The following PRICKLE1 variants were observed in gnomAD, a reference collection of about 807,000 sequenced individuals.
The protein encoded by PRICKLE1 is prickle-like protein 1.
A neutral mutation model predicts 70.2 loss-of-function variants in PRICKLE1; 14 were observed. The ratio of observed to expected loss-of-function variants is 0.20; its 90% CI spans 0.13 to 0.31. The LOEUF is 0.31. Among genes scored for constraint, PRICKLE1 ranks in the 10% least tolerant of loss-of-function variants. The pLI is 1.00. For missense variants in PRICKLE1, 821 were observed against 1,026.2 expected, an observed-to-expected ratio of 0.80 and a Z score of 2.73; for synonymous variants, 357 against 379.9, an observed-to-expected ratio of 0.94 and a Z score of 0.70.
intron 1 of PRICKLE1, chr12:42,524,894 G>A (rs1939775165): frequency 6.6e-6 from 1 of 152,184 alleles, no homozygotes; most frequent in Admixed American, 6.5e-5. Context: ...TGTATAGTTG[G>A]TCTTTGTCCA....
intron 1 of PRICKLE1, among the ~76,000 whole-genome samples, chr12:42,575,172 A>G (rs1409182526): frequency 6.6e-6 from 1 of 152,208 alleles, no homozygotes; most frequent in East Asian, 1.9e-4. Flanking sequence ...TTGTAACAAC[A>G]TAACAATGAA....
intron 1 of PRICKLE1, among the ~76,000 whole-genome samples, chr12:42,482,279 C>T (rs1938819063): frequency 6.6e-6 from 1 of 152,264 alleles, no homozygotes; most frequent in South Asian, 2.1e-4. Context: ...ACGACAAAGC[C>T]TGGTCCTCCG....
intron 1 of PRICKLE1, among the ~76,000 whole-genome samples, chr12:42,476,005 G>C (rs1243362134): frequency 1.3e-5 from 2 of 149,990 alleles, no homozygotes; most frequent in Non-Finnish European, 3.0e-5. Flanking sequence ...GAGGCTGAGG[G>C]AGGAGAATTG....
chr12:42,520,055 G>A (rs1181906766), intron 1 of PRICKLE1, among the ~76,000 whole-genome samples: 1 of 152,164 alleles, frequency 6.6e-6, no homozygotes, highest in African/African-American at 2.4e-5. Flanking sequence ...CCTTCCCTGA[G>A]ACCACTGCTT....
At chr12:42,503,115 T>C (rs1480124186) in intron 1 of PRICKLE1, among the ~76,000 whole-genome samples, 1 of 152,190 alleles carries the variant, frequency 6.6e-6, no homozygotes, top group Admixed American at 6.5e-5. Context: ...ATCTGAATAT[T>C]TTCACCTAGG....
intron 1 of PRICKLE1, among the ~76,000 whole-genome samples, chr12:42,572,840 A>T (rs1003999522): frequency 1.3e-5 from 2 of 152,124 alleles, no homozygotes; most frequent in Non-Finnish European, 2.9e-5. Context: ...AGGAAAAAAA[A>T]TTTTAATAAA....
intron 1 of PRICKLE1, among the ~76,000 whole-genome samples, chr12:42,532,356 A>G (rs1311278260): frequency 6.6e-6 from 1 of 152,224 alleles, no homozygotes; most frequent in African/African-American, 2.4e-5. Context: ...AGAACCGGTC[A>G]AATAATTTTA....
intron 1 of PRICKLE1, among the ~76,000 whole-genome samples, chr12:42,516,986 C>T (rs1939622741): frequency 6.6e-6 from 1 of 152,132 alleles, no homozygotes. Flanking sequence ...CTCAACTGTG[C>T]CTGTGTTTCA....
intron 3 of PRICKLE1, 149 bp from the exon 4 acceptor site, chr12:42,469,736 T>C: frequency 1.1e-6 from 1 of 911,756 alleles, no homozygotes; most frequent in Non-Finnish European, 1.7e-6. Context: ...ACACCATATC[T>C]GAATTTTACA....
chr12:42,501,157 C>A (rs1224577132), intron 1 of PRICKLE1, among the ~76,000 whole-genome samples: 1 of 152,072 alleles, frequency 6.6e-6, no homozygotes, highest in Admixed American at 6.6e-5. Context: ...TTGAAAGAAT[C>A]CAATGATATG....
chr12:42,556,450 G>T (rs572446639), intron 1 of PRICKLE1, among the ~76,000 whole-genome samples: 3 of 152,238 alleles, frequency 2.0e-5, no homozygotes, highest in East Asian at 3.9e-4. Context: ...CACCCTGTAA[G>T]GGAGGGATTA....
chr12:42,526,107 T>C (rs1939794386), intron 1 of PRICKLE1, among the ~76,000 whole-genome samples: 1 of 152,336 alleles, frequency 6.6e-6, no homozygotes, highest in South Asian at 2.1e-4. Context: ...AGTGGCTGTA[T>C]CTTAATGAAA....
At chr12:42,517,306 A>T (rs973835730) in intron 1 of PRICKLE1, among the ~76,000 whole-genome samples, 59 of 88,944 alleles carry the variant, frequency 6.6e-4, no homozygotes, top group African/African-American at 9.9e-4. Context: ...TCAGTCTGCC[A>T]TTTTTTTTTT....
chr12:42,484,486 C>T (rs1055073711), intron 1 of PRICKLE1: 6 of 152,196 alleles, frequency 3.9e-5, no homozygotes, highest in African/African-American at 1.4e-4. Context: ...CAAGTTCTCA[C>T]TTAGAAGGGC....
At chr12:42,508,166 G>C (rs575533596) in intron 1 of PRICKLE1, among the ~76,000 whole-genome samples, 5 of 151,882 alleles carry the variant, frequency 3.3e-5, no homozygotes, top group Admixed American at 6.6e-5. Flanking sequence ...TGAGAAGGAG[G>C]GGGGAACAGG....
chr12:42,512,483 G>T (rs1009553210), intron 1 of PRICKLE1, among the ~76,000 whole-genome samples: 7 of 152,120 alleles, frequency 4.6e-5, no homozygotes, highest in Admixed American at 3.9e-4. Flanking sequence ...GCTGGACATT[G>T]TGTTTTTATC....
At position 42,537,144 on chromosome 12, in the gene PRICKLE1, C is replaced by CT. The variant is rs1218062224; in HGVS notation, c.-49+52320dup. On this transcript the variant is annotated intron_variant, in intron 1 of 7. Coordinates refer to ENST00000345127, the MANE Select transcript of PRICKLE1 (RefSeq NM_153026.3). ...GCTTTACCTGGGGCCTAAGTAGAGACTTTTTTTTTTTTGAGACAGGGTCTT... is the reference window on the plus strand; with the variant it reads ...GCTTTACCTGGGGCCTAAGTAGAGACTTTTTTTTTTTTTGAGACAGGGTCTT... 4.5e-3 allele frequency among the ~76,000 whole-genome samples: 652 copies of CT among 144,556 alleles called. 2 individuals carry two copies. Among genetic ancestry groups the CT allele is most frequent in the African/African-American group, 0.014 (538 of 39,758 alleles). 94.8% of individuals were successfully genotyped at this position (144,556 alleles called of 152,430 possible).
chr12:42,581,915 T>C (rs1940908348), intron 1 of PRICKLE1, among the ~76,000 whole-genome samples: 1 of 152,100 alleles, frequency 6.6e-6, no homozygotes, highest in Non-Finnish European at 1.5e-5. Flanking sequence ...TCATAATTCC[T>C]ATCAGTTTCT....
chr12:42,520,700 A>T (rs1014920887), intron 1 of PRICKLE1, among the ~76,000 whole-genome samples: 1 of 152,262 alleles, frequency 6.6e-6, no homozygotes, highest in Non-Finnish European at 1.5e-5. Context: ...TCTTTAATTT[A>T]GGCAGGGCGT....
Sources: allele counts gnomAD v4.1 joint callset (sites outside exome capture counted in the v4.1 genomes callset), GRCh38; gene constraint gnomAD v4.1.1; transcripts MANE v1.5; gene names NCBI Gene and HGNC (gene_info 2026-07-23, HGNC 2026-07-21).